DSCAM: variants seen among roughly 807,000 people sequenced by gnomAD.
The protein encoded by DSCAM is cell adhesion molecule DSCAM.
A neutral mutation model predicts 217.7 loss-of-function variants in DSCAM; 47 were observed. The observed-to-expected ratio is 0.22, with a 90% confidence interval of 0.17 to 0.28. The LOEUF (loss-of-function observed/expected upper bound fraction) is 0.28. DSCAM is among the 10% of genes least tolerant of loss of function. DSCAM has a pLI of 1.00. For synonymous variants in DSCAM, 1,056 were observed against 1,015.3 expected (o/e 1.04, Z -0.76); for missense variants, 2,080 against 2,618.3 (o/e 0.79, Z 4.49).
chr21:40,729,727 T>G (rs1309744840), intron 1 of DSCAM, among the ~76,000 whole-genome samples: 1 of 152,176 alleles, frequency 6.6e-6, no homozygotes, highest in Admixed American at 6.5e-5. Context: ...ATTAAAACTA[T>G]GATCAAAAAT....
chr21:40,427,186 G>C (rs1023444591), intron 3 of DSCAM, among the ~76,000 whole-genome samples: 5 of 152,210 alleles, frequency 3.3e-5, no homozygotes, highest in African/African-American at 1.2e-4. Context: ...GGACCTGTCT[G>C]TCCCAGCTGA....
intron 11 of DSCAM, among the ~76,000 whole-genome samples, chr21:40,272,866 A>ATT (rs957404799): frequency 1.3e-5 from 2 of 149,156 alleles, no homozygotes; most frequent in Non-Finnish European, 3.0e-5. Context: ...CTTTATATCT[A>ATT]TTTTTTTTTT....
At position 40,097,954 on chromosome 21, in the gene DSCAM, AAAAGAAAGAAAGAAAG is replaced by A. The variant is rs61675667; in HGVS notation, c.3697-4096_3697-4081del. 1.6e-3 allele frequency among the ~76,000 whole-genome samples: 80 copies of A among 51,514 alleles called. 4 individuals are homozygous for A. The highest frequency in any genetic ancestry group is 4.7e-3 in the East Asian group (6 of 1,282). The allele number at this position is 51,514 out of a possible 152,430, so 33.8% of individuals were successfully genotyped here. ...AGACTCTGTCTCAAAAAAAAAAAAA[AAAAGAAAGAAAGAAAG>A]AAAGAAAGAAAGAAAGAAAGAAAGA... On this transcript the variant is annotated intron_variant, in intron 20 of 32. Coordinates refer to ENST00000400454, the MANE Select transcript of DSCAM (RefSeq NM_001389.5).
intron 32 of DSCAM, among the ~76,000 whole-genome samples, chr21:40,017,669 A>G (rs1002465839): frequency 6.6e-6 from 1 of 151,634 alleles, no homozygotes; most frequent in Non-Finnish European, 1.5e-5. Flanking sequence ...CTCCCCCCTC[A>G]GCCTCCTGAG....
intron 18 of DSCAM, among the ~76,000 whole-genome samples, chr21:40,140,159 G>A (rs984805901): frequency 1.3e-5 from 2 of 152,074 alleles, no homozygotes; most frequent in Non-Finnish European, 2.9e-5. Context: ...CCTCATAAAC[G>A]AAATCTCTCA....
chr21:40,077,458 G>T (rs1601305545), intron 26 of DSCAM, among the ~76,000 whole-genome samples: 1 of 152,290 alleles, frequency 6.6e-6, no homozygotes, highest in Middle Eastern at 3.4e-3. Context: ...AGCTCCTGGT[G>T]GTCATTTCTG....
At chr21:40,030,184 G>A (rs2088493055) in intron 32 of DSCAM, among the ~76,000 whole-genome samples, 1 of 152,180 alleles carries the variant, frequency 6.6e-6, no homozygotes, top group South Asian at 2.1e-4. Context: ...AGGAAGGCTT[G>A]CTCCCTCCCT....
Position 40,042,492 on chromosome 21 carries a change from C to T in DSCAM, c.5565G>A (p.Thr1855=), listed in dbSNP as rs189404834. Residue 1855 remains threonine (T), a synonymous_variant, in exon 32 of 33, where the codon ACG becomes ACA. Coordinates refer to ENST00000400454, the MANE Select transcript of DSCAM (RefSeq NM_001389.5). ...EQLTAGTNEY[T]DSLTSSTPSE... ...AAGGGGTGCTGGAGGTCAGACTGTC[C>T]GTGTACTCATTTGTCCCTGCCGTCA... 2.6e-4 allele frequency: 422 copies of T among 1,614,146 alleles called. 1 individual carries two copies. The highest frequency in any genetic ancestry group is 8.2e-4 in the Middle Eastern group (5 of 6,062).
intron 3 of DSCAM, among the ~76,000 whole-genome samples, chr21:40,581,127 G>A (rs1408726440): frequency 1.3e-5 from 2 of 152,216 alleles, no homozygotes; most frequent in Admixed American, 6.5e-5. Flanking sequence ...CAGGACTCTG[G>A]ATAAAGCAGG....
At chr21:40,265,875 C>T (rs2073519290) in intron 11 of DSCAM, among the ~76,000 whole-genome samples, 1 of 152,110 alleles carries the variant, frequency 6.6e-6, no homozygotes, top group East Asian at 1.9e-4. Flanking sequence ...GGATTAAAGA[C>T]TTAAATATAA....
At chr21:40,031,262 C>T (rs140162802) in intron 32 of DSCAM, among the ~76,000 whole-genome samples, 256 of 152,220 alleles carry the variant, frequency 1.7e-3, no homozygotes, top group Non-Finnish European at 3.2e-3. Flanking sequence ...GCCTCTTTGT[C>T]CCTGCTGAGT....
chr21:40,086,230 T>C (rs1029459999), intron 22 of DSCAM, among the ~76,000 whole-genome samples: 3 of 152,226 alleles, frequency 2.0e-5, no homozygotes, highest in Non-Finnish European at 2.9e-5. Flanking sequence ...AAAAATGACA[T>C]GTGATATCTC....
intron 32 of DSCAM, 29 bp from the exon 33 acceptor site, chr21:40,013,415 G>T (rs759129237): frequency 1.4e-6 from 2 of 1,474,658 alleles, no homozygotes; most frequent in South Asian, 2.8e-5. Flanking sequence ...TAGTTAGTTG[G>T]TGTCTTCATT....
At chr21:40,170,218 C>A (rs1002800835) in intron 15 of DSCAM, among the ~76,000 whole-genome samples, 1 of 152,210 alleles carries the variant, frequency 6.6e-6, no homozygotes, top group African/African-American at 2.4e-5. Context: ...TGCCTGTGAG[C>A]CTCCCGCTGC....
intron 1 of DSCAM, among the ~76,000 whole-genome samples, chr21:40,821,954 A>T (rs1478453609): frequency 6.6e-6 from 1 of 151,732 alleles, no homozygotes; most frequent in Non-Finnish European, 1.5e-5. Context: ...TGTACAACAA[A>T]CCTCCATGAC....
chr21:40,537,284 T>C (rs1337695444), intron 3 of DSCAM, among the ~76,000 whole-genome samples: 1 of 151,992 alleles, frequency 6.6e-6, no homozygotes, highest in Non-Finnish European at 1.5e-5. Context: ...GGAAGGGAGG[T>C]AGGTCGAGAG....
intron 16 of DSCAM, among the ~76,000 whole-genome samples, chr21:40,150,521 A>AT (rs1402605731): frequency 6.6e-6 from 1 of 152,154 alleles, no homozygotes; most frequent in African/African-American, 2.4e-5. Flanking sequence ...AAATGTAGGG[A>AT]TTTTGTATAT....
intron 4 of DSCAM, among the ~76,000 whole-genome samples, chr21:40,362,864 A>G (rs2123680124): frequency 6.6e-6 from 1 of 152,286 alleles, no homozygotes; most frequent in Admixed American, 6.5e-5. Context: ...CTATATATAC[A>G]CACACATGTA....
At chr21:40,336,874 G>A (rs1685257015) in intron 8 of DSCAM, among the ~76,000 whole-genome samples, 1 of 152,132 alleles carries the variant, frequency 6.6e-6, no homozygotes, top group South Asian at 2.1e-4. Context: ...CAGATGTTCT[G>A]TAAATGAGGA....
Sources: gnomAD v4.1 joint callset for allele counts (sites outside exome capture counted in the v4.1 genomes callset) on GRCh38, gnomAD v4.1.1 for gene constraint, MANE v1.5 for transcripts, NCBI Gene and HGNC (gene_info 2026-07-23, HGNC 2026-07-21) for gene names.